The following ZMYND8 variants were observed in gnomAD, a reference collection of about 807,000 sequenced individuals.
ZMYND8 encodes the protein MYND-type zinc finger-containing chromatin reader ZMYND8.
In ZMYND8, 37 loss-of-function variants were observed where a neutral mutation model predicts 140.8. That is an observed-to-expected ratio of 0.26 (90% confidence interval 0.20 to 0.35). The LOEUF is 0.35. Ranked by LOEUF, ZMYND8 falls within the 10% of genes least tolerant of loss-of-function variation. The probability of loss-of-function intolerance (pLI) is 1.00; values close to 1 mark genes in which losing one functional copy is unlikely to be tolerated. For synonymous variants in ZMYND8, 592 were observed against 597.1 expected (o/e 0.99, Z 0.12); for missense variants, 1,068 against 1,570.0 (o/e 0.68, Z 5.40).
intron 2 of ZMYND8, among the ~76,000 whole-genome samples, chr20:47,345,756 G>A (rs942434275): frequency 2.7e-5 from 4 of 145,850 alleles, no homozygotes; most frequent in Admixed American, 2.1e-4. Context: ...CAATCCACCC[G>A]CCTCGCCCTC....
rs772659457 is a variant in ZMYND8, at chr20:47,246,395, C to G, written c.1897G>C (p.Glu633Gln). The G allele has an allele frequency of 2.5e-6, 4 of 1,614,044 alleles. No individual in the cohort carries two copies. The highest frequency in any genetic ancestry group is 3.4e-6 in the Non-Finnish European group (4 of 1,180,000). Reference sequence around the variant, plus strand: ...TCTTTGTCCTCTGTGTCTTCTGGCTCGTTCTTAGACTTCTGCTCATCATCA... The same window carrying G: ...TCTTTGTCCTCTGTGTCTTCTGGCTGGTTCTTAGACTTCTGCTCATCATCA... Reference protein sequence around the residue: ...ISDDEQKSKNEPEDTEDKEGC... With the variant: ...ISDDEQKSKNQPEDTEDKEGC... The change falls in exon 14 of 23, where the codon GAG (glutamate) becomes CAG (glutamine). Residue 633 changes from glutamate to glutamine, a missense_variant. Transcript: ENST00000471951.
At chr20:47,355,210 T>C (rs2083121482) in intron 1 of ZMYND8, among the ~76,000 whole-genome samples, 1 of 152,158 alleles carries the variant, frequency 6.6e-6, no homozygotes, top group South Asian at 2.1e-4. Flanking sequence ...AACTGAACAT[T>C]TCTCCCCTGA....
At chr20:47,228,120 AAAT>A (rs2037958977) in intron 17 of ZMYND8, among the ~76,000 whole-genome samples, 1 of 152,154 alleles carries the variant, frequency 6.6e-6, no homozygotes, top group Non-Finnish European at 1.5e-5. Context: ...TTAATTTAAA[AAAT>A]AATAATAAAC....
At chr20:47,254,527 G>GA (rs1185187272) in intron 12 of ZMYND8, among the ~76,000 whole-genome samples, 1 of 152,208 alleles carries the variant, frequency 6.6e-6, no homozygotes, top group African/African-American at 2.4e-5. Flanking sequence ...CTGCTAAAAT[G>GA]AAATGAAGGC....
At chr20:47,283,236 T>C (rs536514252) in intron 9 of ZMYND8, among the ~76,000 whole-genome samples, 1 of 152,308 alleles carries the variant, frequency 6.6e-6, no homozygotes, top group African/African-American at 2.4e-5. Context: ...CAACATGATT[T>C]GTAAATCCAC....
At chr20:47,268,639 TGGTGG>T (rs2075714595) in intron 11 of ZMYND8, among the ~76,000 whole-genome samples, 2 of 151,300 alleles carry the variant, frequency 1.3e-5, no homozygotes, top group South Asian at 4.2e-4. Flanking sequence ...CAGTCAGGCG[TGGTGG>T]TACACGCCTG....
intron 12 of ZMYND8, among the ~76,000 whole-genome samples, chr20:47,249,726 G>A (rs1458159712): frequency 6.6e-6 from 1 of 152,154 alleles, no homozygotes; most frequent in Non-Finnish European, 1.5e-5. Flanking sequence ...CTCAGTGTGT[G>A]GAAGTCAACA....
At chr20:47,277,651 TTTTATTTA>T (rs35308600) in intron 10 of ZMYND8, among the ~76,000 whole-genome samples, 122 of 147,618 alleles carry the variant, frequency 8.3e-4, no homozygotes, top group Middle Eastern at 3.4e-3. Flanking sequence ...AATTAATTCA[TTTTATTTA>T]TTTATTTATT....
chr20:47,324,703 G>C (rs1029757398), intron 2 of ZMYND8, among the ~76,000 whole-genome samples: 1 of 151,940 alleles, frequency 6.6e-6, no homozygotes, highest in African/African-American at 2.4e-5. Context: ...CAGCTCCTTA[G>C]ACAAGCTCCT....
Position 47,249,283 on chromosome 20 carries a change from A to G in ZMYND8, c.1774+4T>C. The G allele has an allele frequency of 6.2e-7, 1 of 1,610,158 alleles. No homozygotes were observed. The highest frequency in any genetic ancestry group is 2.2e-5 in the East Asian group (1 of 44,872). On this transcript the variant is annotated splice_donor_region_variant and intron_variant, in intron 13 of 22. Coordinates refer to ENST00000471951, the MANE Select transcript of ZMYND8 (RefSeq NM_001281775.3). ...GGAAAAAAAAAACAAAACCAAAGGT[A>G]TACCTAATTGTGCTTTGCAACTCTC...
chr20:47,214,109 G>C (rs2035703612), intron 21 of ZMYND8, among the ~76,000 whole-genome samples: 1 of 152,184 alleles, frequency 6.6e-6, no homozygotes, highest in Admixed American at 6.5e-5. Context: ...AAATAGCTCA[G>C]AAGCCTTGAC....
chr20:47,251,942 T>C (rs969239605), intron 12 of ZMYND8, among the ~76,000 whole-genome samples: 1 of 151,744 alleles, frequency 6.6e-6, no homozygotes, highest in African/African-American at 2.4e-5. Context: ...CGAGTTTGCA[T>C]TTTTGACACT....
chr20:47,257,225 A>C (rs566524253), intron 12 of ZMYND8, among the ~76,000 whole-genome samples: 68 of 152,208 alleles, frequency 4.5e-4, no homozygotes, highest in African/African-American at 1.6e-3. Flanking sequence ...AGGTCTCTGT[A>C]CAAACCTTCC....
At chr20:47,251,617 GA>G (rs1006470971) in intron 12 of ZMYND8, among the ~76,000 whole-genome samples, 1 of 151,938 alleles carries the variant, frequency 6.6e-6, no homozygotes, top group African/African-American at 2.4e-5. Flanking sequence ...CAAAGAACTA[GA>G]AAACTCTTTA....
At chr20:47,224,918 C>A (rs752613383) in intron 18 of ZMYND8, among the ~76,000 whole-genome samples, 28 of 150,318 alleles carry the variant, frequency 1.9e-4, no homozygotes, top group Non-Finnish European at 3.8e-4. Context: ...CCTTTTCCCC[C>A]CTATCAATCA....
chr20:47,262,313 G>A lies in ZMYND8; in HGVS notation c.1596C>T (p.Thr532=), dbSNP rs373579295. The A allele has an allele frequency of 2.1e-5, 34 of 1,613,906 alleles. No individual in the cohort carries two copies. In the African/African-American group the frequency reaches 2.8e-4, roughly 13 times the overall value. Residue 532 remains threonine (T), a synonymous_variant, in exon 12 of 23, where the codon ACC becomes ACT. Transcript: ENST00000471951. ...ITTKTDKTST[T]GSILNLNLDR... ...CCAGGTTAAGATTCAGGATGCTGCC[G>A]GTGGTGGAGGTTTTGTCCGTTTTCG...
At chr20:47,334,624 A>T (rs936654101) in intron 2 of ZMYND8, among the ~76,000 whole-genome samples, 5 of 149,712 alleles carry the variant, frequency 3.3e-5, no homozygotes, top group African/African-American at 1.2e-4. Context: ...ATATATATAT[A>T]TATTTTAGGC....
rs750546909 is a variant in ZMYND8, at chr20:47,290,229, C to T, written c.706G>A (p.Asp236Asn). The change falls in exon 7 of 23, where the codon GAT becomes AAT. Residue 236 changes from aspartate to asparagine, a missense_variant. Physicochemically the swap from Asp to Asn is conservative, Grantham distance 23. Around this residue, in one of 10 missense-constraint regions of ZMYND8, gnomAD observed 109 missense variants for 314.9 expected, o/e 0.35. Transcript: ENST00000471951. ...CAGTTGTGCAAAATCCACTTTGCAT[C>T]AGCCAGGAAGGCTTCTGTGCAGCCA... ...MYGCTEAFLA[D>N]AKWILHNCII... 1 of 1,613,568 alleles carries T rather than the reference C, an allele frequency of 6.2e-7. No individual in the cohort carries two copies.
chr20:47,294,921 C>A, intron 4 of ZMYND8, 142 bp from the exon 5 acceptor site: 1 of 705,420 alleles, frequency 1.4e-6, no homozygotes, highest in Non-Finnish European at 2.4e-6. Flanking sequence ...TTAGCAAAGA[C>A]TCCTGGAACA....
Sources: gnomAD v4.1 joint callset for allele counts (sites outside exome capture counted in the v4.1 genomes callset) on GRCh38, gnomAD v4.1.1 for gene constraint, gnomAD v4.1.1 regional missense constraint, MANE v1.5 for transcripts, NCBI Gene and HGNC (gene_info 2026-07-23, HGNC 2026-07-21) for gene names.